F8: variants seen among roughly 807,000 people sequenced by gnomAD.
F8 encodes coagulation factor VIII, also known as antihemophilic factor.
Under a neutral mutation model 140.6 loss-of-function variants are expected in F8, and 12 were observed. The observed-to-expected ratio is 0.09, with a 90% CI of 0.05 to 0.14. The LOEUF is 0.14. Among genes scored for constraint, F8 ranks in the 10% least tolerant of loss-of-function variants. F8 has a pLI of 1.00. For synonymous variants in F8, 585 were observed against 614.6 expected (o/e 0.95, Z 0.71); for missense variants, 1,354 against 1,720.7 (o/e 0.79, Z 3.77).
chrX:154,949,127 T>C (rs1557280540), intron 12 of F8, among the ~76,000 whole-genome samples: 1 of 112,110 alleles, frequency 8.9e-6, no homozygotes, highest in African/African-American at 3.2e-5. Flanking sequence ...AAAAGTAAAG[T>C]CCTTTTAAAT....
rs147277459 is a variant in F8 at position 154,876,655 on chromosome X, T to A, written c.6430-13428A>T. Among the ~76,000 whole-genome samples, 1,335 of 111,666 alleles carry A rather than the reference T, an allele frequency of 0.012. 25 individuals carry two copies. In the Middle Eastern group the frequency reaches 0.12, roughly 10 times the overall value. On this transcript the variant is annotated intron_variant, in intron 22 of 25. Coordinates refer to ENST00000360256, the MANE Select transcript of F8 (RefSeq NM_000132.4). ...TTTCTCTGCTGCTCTCCTTTCTATA[T>A]AGGAGAAAATTTGACCTTCTATTTA...
At chrX:154,967,881 A>C (rs1420096908) in intron 7 of F8, among the ~76,000 whole-genome samples, 1 of 111,796 alleles carries the variant, frequency 8.9e-6, no homozygotes, top group Non-Finnish European at 1.9e-5. Flanking sequence ...AGAGATTTCT[A>C]TTCTTAATCA....
At chrX:155,010,543 A>T (rs1478952249) in intron 1 of F8, among the ~76,000 whole-genome samples, 1 of 111,581 alleles carries the variant, frequency 9.0e-6, no homozygotes, top group Non-Finnish European at 1.9e-5. Context: ...CATTAAAATA[A>T]AAATTCTATC....
intron 14 of F8, among the ~76,000 whole-genome samples, chrX:154,908,052 T>C (rs183436825): frequency 7.0e-4 from 79 of 112,306 alleles, no homozygotes; most frequent in Non-Finnish European, 1.3e-3. Context: ...TGGTTATTGA[T>C]ATATTCTTTT....
chrX:154,996,120 T>G (rs2073615864), intron 3 of F8, among the ~76,000 whole-genome samples: 1 of 112,453 alleles, frequency 8.9e-6, no homozygotes, highest in Admixed American at 9.4e-5. Context: ...CCACCAATTT[T>G]TGGAAAATTT....
At chrX:154,853,624 A>G (rs190096113) in intron 25 of F8, among the ~76,000 whole-genome samples, 2 of 111,742 alleles carry the variant, frequency 1.8e-5, no homozygotes, top group African/African-American at 6.5e-5. Flanking sequence ...ATTTATCTGC[A>G]ACTTCTCTAG....
intron 6 of F8, among the ~76,000 whole-genome samples, chrX:154,977,901 T>G (rs1343434358): frequency 9.0e-6 from 1 of 110,948 alleles, no homozygotes; most frequent in Non-Finnish European, 1.9e-5. Flanking sequence ...ATTCAAATAT[T>G]TGGTCACTTT....
At chrX:154,904,560 C>G (rs2073028129) in intron 16 of F8, 36 bp from the exon 17 acceptor site, 1 of 1,104,995 alleles carries the variant, frequency 9.0e-7, no homozygotes, top group Non-Finnish European at 1.3e-6. Context: ...TGAGTATAAG[C>G]TCTCTCACCT....
intron 22 of F8, among the ~76,000 whole-genome samples, chrX:154,879,179 T>C (rs368900767): frequency 9.0e-6 from 1 of 111,621 alleles, no homozygotes; most frequent in East Asian, 2.8e-4. Flanking sequence ...AGACCTCAAA[T>C]AGCCAAAATA....
chrX:154,894,735 C>G (rs1361018155), intron 22 of F8, among the ~76,000 whole-genome samples: 1 of 91,996 alleles, frequency 1.1e-5, no homozygotes, highest in Admixed American at 1.2e-4. Flanking sequence ...ACCTTCCTAC[C>G]CCCCCTCAAA....
chrX:154,904,471 G>T lies in F8; in HGVS notation c.5640C>A (p.Asn1880Lys), dbSNP rs1557276170. The T allele has an allele frequency of 8.3e-7, 1 of 1,211,653 alleles. No individual in the cohort carries two copies. The highest frequency in any genetic ancestry group is 3.0e-5 in the East Asian group (1 of 33,850). Residue 1880 changes from asparagine (N) to lysine (K), a missense_variant, in exon 17 of 26, where the codon AAC becomes AAA. This residue lies in a region of F8 where 316 missense variants were observed against 485.4 expected (regional missense o/e 0.65). Transcript: ENST00000360256. ...LIGPLLVCHTNTLNPAHGRQV... is the reference protein window; with the variant it reads ...LIGPLLVCHTKTLNPAHGRQV... ...GTCTCCCATGAGCAGGGTTCAGTGT[G>T]TTAGTGTGGCAGACCAGAAGGGGTC...
At chrX:154,967,710 T>C (rs1557282159) in intron 7 of F8, among the ~76,000 whole-genome samples, 2 of 112,173 alleles carry the variant, frequency 1.8e-5, no homozygotes, top group African/African-American at 3.2e-5. Flanking sequence ...AACTGGACAA[T>C]GATTGATTGA....
intron 13 of F8, among the ~76,000 whole-genome samples, chrX:154,936,089 A>G (rs782155294): frequency 3.6e-5 from 4 of 110,189 alleles, no homozygotes; most frequent in Non-Finnish European, 7.6e-5. Flanking sequence ...TGTACAGTTG[A>G]ATGCAAATGG....
At chrX:154,912,102 C>T (rs782587797) in intron 14 of F8, among the ~76,000 whole-genome samples, 1 of 112,000 alleles carries the variant, frequency 8.9e-6, no homozygotes, top group Non-Finnish European at 1.9e-5. Flanking sequence ...GTTATTAATA[C>T]CCTCTCAGTT....
At chrX:154,845,732 T>C (rs2148559536) in intron 25 of F8, among the ~76,000 whole-genome samples, 1 of 112,016 alleles carries the variant, frequency 8.9e-6, no homozygotes, top group African/African-American at 3.2e-5. Context: ...GTTGATCTTT[T>C]CAAAAAACCA....
At chrX:154,860,892 T>A in intron 24 of F8, among the ~76,000 whole-genome samples, 1 of 111,718 alleles carries the variant, frequency 9.0e-6, no homozygotes, top group Non-Finnish European at 1.9e-5. Context: ...GAGATGAGGT[T>A]TCACCAGGTT....
At chrX:154,925,477 C>A (rs1052353631) in intron 14 of F8, among the ~76,000 whole-genome samples, 14 of 112,304 alleles carry the variant, frequency 1.2e-4, no homozygotes, top group Non-Finnish European at 2.6e-4. Context: ...ACAGAAAATG[C>A]CAGCCCATGA....
intron 14 of F8, among the ~76,000 whole-genome samples, chrX:154,923,159 C>A (rs2073140593): frequency 9.0e-6 from 1 of 111,090 alleles, no homozygotes; most frequent in Non-Finnish European, 1.9e-5. Context: ...TATTTTAATA[C>A]CCTTTTATTA....
At chrX:154,926,572 T>C (rs2073161643) in intron 14 of F8, among the ~76,000 whole-genome samples, 1 of 110,733 alleles carries the variant, frequency 9.0e-6, no homozygotes, top group Non-Finnish European at 1.9e-5. Context: ...GATGAGGTTT[T>C]GCCATGTTGC....
Sources: gnomAD v4.1 joint callset for allele counts (sites outside exome capture counted in the v4.1 genomes callset) on GRCh38, gnomAD v4.1.1 for gene constraint, gnomAD v4.1.1 regional missense constraint, MANE v1.5 for transcripts, NCBI Gene and HGNC (gene_info 2026-07-23, HGNC 2026-07-21) for gene names.